The following SDK1 variants were observed in gnomAD, a reference collection of about 807,000 sequenced individuals.
SDK1 encodes sidekick cell adhesion molecule 1.
In SDK1, 157 loss-of-function variants were observed where a neutral mutation model predicts 245.5. That is an observed-to-expected ratio of 0.64 (90% CI 0.56 to 0.73). The LOEUF is 0.73. SDK1 is among the 30% of genes least tolerant of loss of function. SDK1 has a pLI of 0.00. For missense variants in SDK1, 3,583 were observed against 3,002.3 expected (o/e 1.19, Z -4.52); for synonymous variants, 1,647 against 1,278.5 (o/e 1.29, Z -6.15).
At chr7:3,804,641 C>T (rs1779194593) in intron 4 of SDK1, among the ~76,000 whole-genome samples, 1 of 152,200 alleles carries the variant, frequency 6.6e-6, no homozygotes, top group Non-Finnish European at 1.5e-5. Context: ...ACACGTAGGC[C>T]TGTTCGGACA....
At chr7:3,731,535 A>G (rs1183361908) in intron 4 of SDK1, among the ~76,000 whole-genome samples, 1 of 152,190 alleles carries the variant, frequency 6.6e-6, no homozygotes, top group Non-Finnish European at 1.5e-5. Flanking sequence ...CTTTGTAGCA[A>G]CACGTTATGT....
At chr7:3,927,715 C>T (rs1202441272) in intron 5 of SDK1, among the ~76,000 whole-genome samples, 1 of 152,226 alleles carries the variant, frequency 6.6e-6, no homozygotes, top group African/African-American at 2.4e-5. Context: ...ACTTTGGCCA[C>T]TTTGGAGTAT....
rs752425746 is a variant in SDK1 at position 4,101,055 on chromosome 7, G to A, written c.3325-9608G>A. 5.3e-5 allele frequency among the ~76,000 whole-genome samples: 8 copies of A among 152,330 alleles called. No individual in the cohort carries two copies. The South Asian group carries it at 1.0e-3, about 20-fold the overall frequency. On this transcript the variant is annotated intron_variant, in intron 22 of 44. Coordinates refer to ENST00000404826, the MANE Select transcript of SDK1 (RefSeq NM_152744.4). ...TAGGCCAGTGCTCTCCGCACTGGTT[G>A]CCAGAGAGGCCGCCTTGCCTGGGCC... is the stretch of plus-strand genomic sequence containing the variant.
intron 10 of SDK1, among the ~76,000 whole-genome samples, chr7:3,967,978 GA>G (rs1782206075): frequency 6.6e-6 from 1 of 152,216 alleles, no homozygotes; most frequent in Non-Finnish European, 1.5e-5. Flanking sequence ...ACACACATTA[GA>G]AAAAGAGAAG....
intron 4 of SDK1, among the ~76,000 whole-genome samples, chr7:3,651,157 CTG>C (rs1026197199): frequency 1.4e-4 from 20 of 142,824 alleles, no homozygotes; most frequent in African/African-American, 5.0e-4. Context: ...AAATGCCAAA[CTG>C]TTTTCCAGAG....
intron 4 of SDK1, among the ~76,000 whole-genome samples, chr7:3,811,743 A>G (rs1011066351): frequency 2.6e-5 from 4 of 152,184 alleles, no homozygotes; most frequent in Non-Finnish European, 5.9e-5. Context: ...CTCCGGTGGA[A>G]GGCACGTGGG....
At chr7:4,177,789 A>C (rs1782308251) in intron 34 of SDK1, among the ~76,000 whole-genome samples, 1 of 152,220 alleles carries the variant, frequency 6.6e-6, no homozygotes, top group African/African-American at 2.4e-5. Context: ...AATAGAGTGA[A>C]ATAATTCTAC....
intron 5 of SDK1, among the ~76,000 whole-genome samples, chr7:3,860,157 T>C (rs1445394304): frequency 2.0e-5 from 3 of 152,078 alleles, no homozygotes; most frequent in Admixed American, 6.6e-5. Context: ...CCTGACCTCG[T>C]GATCCGCCTG....
In SDK1 at chr7:4,026,847, C is replaced by G. The variant is rs941726735; in HGVS notation, c.2602+9495C>G. On this transcript the variant is annotated intron_variant, in intron 17 of 44. Transcript: ENST00000404826. The surrounding 1 kb of genome is among the most constrained non-coding windows in gnomAD (Gnocchi z 4.1). ...CACAAACGGCAATATGTACACCCACCCAGCGGTGTGCGGCCGGTGACTCTA... is the reference window on the plus strand; with the variant it reads ...CACAAACGGCAATATGTACACCCACGCAGCGGTGTGCGGCCGGTGACTCTA... Among the ~76,000 whole-genome samples, 2 of 152,180 alleles carry G rather than the reference C, an allele frequency of 1.3e-5. No individual in the cohort carries two copies. The highest frequency in any genetic ancestry group is 2.9e-5 in the Non-Finnish European group (2 of 68,030).
intron 44 of SDK1, 60 bp from the exon 45 acceptor site, chr7:4,265,064 A>T (rs1788371967): frequency 6.7e-7 from 1 of 1,500,264 alleles, no homozygotes. Context: ...CCTCCTGCCC[A>T]GCACGCTCCG....
intron 4 of SDK1, among the ~76,000 whole-genome samples, chr7:3,681,244 T>C (rs1424628841): frequency 6.6e-6 from 1 of 152,232 alleles, no homozygotes; most frequent in Non-Finnish European, 1.5e-5. Flanking sequence ...GTGTGAATCC[T>C]TGTGTTTCTA....
rs777710264 is a variant in SDK1 at position 4,174,197 on chromosome 7, C to T, written c.4801-25C>T. The T allele has an allele frequency of 8.1e-6, 13 of 1,613,058 alleles. No individual in the cohort carries two copies. The Admixed American group carries it at 2.0e-4, about 25-fold the overall frequency. ...AGCTGGGTTGACTCCCATGGTGTGGCTGAGTCGGTGTGATGTCTTTGCAGC... is the reference window on the plus strand; with the variant it reads ...AGCTGGGTTGACTCCCATGGTGTGGTTGAGTCGGTGTGATGTCTTTGCAGC... On this transcript the variant is annotated intron_variant, in intron 32 of 44. Coordinates refer to ENST00000404826, the MANE Select transcript of SDK1 (RefSeq NM_152744.4).
chr7:3,619,294 C>T, intron 2 of SDK1, 55 bp downstream of exon 2: 1 of 1,475,662 alleles, frequency 6.8e-7, no homozygotes, highest in East Asian at 2.3e-5. Flanking sequence ...GTTTGGAATA[C>T]TTGCCTTACT....
intron 17 of SDK1, among the ~76,000 whole-genome samples, chr7:4,039,083 A>T (rs940825452): frequency 6.6e-6 from 1 of 150,788 alleles, no homozygotes; most frequent in Non-Finnish European, 1.5e-5. Context: ...GTTCTCACTC[A>T]TAGGTGGGAA....
chr7:3,451,512 G>A (rs764082420), intron 1 of SDK1, among the ~76,000 whole-genome samples: 8 of 152,110 alleles, frequency 5.3e-5, no homozygotes, highest in Non-Finnish European at 1.0e-4. Flanking sequence ...TGATCACACT[G>A]CATCAATGTG....
chr7:4,266,054 G>C lies in SDK1; in HGVS notation c.*670G>C. 1 of 985,482 alleles carries C rather than the reference G, an allele frequency of 1.0e-6. No homozygotes were observed. Among genetic ancestry groups the C allele is most frequent in the African/African-American group, 1.7e-5 (1 of 57,370 alleles). 61.0% of individuals were successfully genotyped at this position (985,482 alleles called of 1,614,324 possible). A position where few individuals can be genotyped will look rare whatever the true frequency, so the allele number is the denominator to read the frequency against. ...TGTCACTGCAGTGGTGCGGTCCTCAGGCTTTTCTGCCTGTCTTTCCCCCTT... is the reference window on the plus strand; with the variant it reads ...TGTCACTGCAGTGGTGCGGTCCTCACGCTTTTCTGCCTGTCTTTCCCCCTT... On this transcript the variant is annotated 3_prime_UTR_variant, in exon 45 of 45. Transcript: ENST00000404826.
At chr7:3,953,659 G>A (rs947580492) in intron 7 of SDK1, among the ~76,000 whole-genome samples, 27 of 152,178 alleles carry the variant, frequency 1.8e-4, no homozygotes, top group African/African-American at 6.0e-4. Flanking sequence ...CCCTTTAAAC[G>A]AGAATGTTTG....
intron 4 of SDK1, among the ~76,000 whole-genome samples, chr7:3,739,790 C>A (rs1779424699): frequency 1.3e-5 from 2 of 151,736 alleles, no homozygotes; most frequent in African/African-American, 2.4e-5. Flanking sequence ...GCTTTTTTTC[C>A]CCCGTGTATG....
At chr7:3,735,542 A>G (rs932692863) in intron 4 of SDK1, among the ~76,000 whole-genome samples, 7 of 152,240 alleles carry the variant, frequency 4.6e-5, no homozygotes, top group Non-Finnish European at 8.8e-5. Flanking sequence ...TGCATAGGGC[A>G]CGGTGTGTTT....
Sources: gnomAD v4.1 joint callset for allele counts (sites outside exome capture counted in the v4.1 genomes callset) on GRCh38, gnomAD v4.1.1 for gene constraint, Gnocchi (gnomAD v3.1) non-coding constraint, MANE v1.5 for transcripts, NCBI Gene and HGNC (gene_info 2026-07-23, HGNC 2026-07-21) for gene names.